PLCG2: variants seen among roughly 807,000 people sequenced by gnomAD.
The protein encoded by PLCG2 is 1-phosphatidylinositol 4,5-bisphosphate phosphodiesterase gamma-2.
A neutral mutation model predicts 175.6 loss-of-function variants in PLCG2; 69 were observed. That is an observed-to-expected ratio of 0.39 (90% CI 0.32 to 0.48). The LOEUF (loss-of-function observed/expected upper bound fraction) is 0.48. Ranked by LOEUF, PLCG2 falls within the 20% of genes least tolerant of loss-of-function variation. The probability of loss-of-function intolerance (pLI) is 0.91; values close to 1 mark genes in which losing one functional copy is unlikely to be tolerated. For synonymous variants in PLCG2, 827 were observed against 624.0 expected (o/e 1.33, Z -4.85); for missense variants, 1,798 against 1,650.9 (o/e 1.09, Z -1.54).
At chr16:81,854,696 G>T in intron 3 of PLCG2, 109 bp downstream of exon 3, 1 of 1,022,802 alleles carries the variant, frequency 9.8e-7, no homozygotes, top group Non-Finnish European at 1.5e-6. Context: ...ATGTGTATTT[G>T]GGGTCATGGT....
At chr16:81,853,066 C>T (rs1022711591) in intron 2 of PLCG2, among the ~76,000 whole-genome samples, 3 of 152,304 alleles carry the variant, frequency 2.0e-5, no homozygotes, top group African/African-American at 7.2e-5. Context: ...CCCGCTGGCT[C>T]ACGCCTGTAA....
intron 20 of PLCG2, 141 bp downstream of exon 20, chr16:81,919,805 A>G (rs1909987872): frequency 3.0e-6 from 2 of 665,444 alleles, no homozygotes; most frequent in East Asian, 2.7e-5. Context: ...ATTGAGCACA[A>G]CAAAGACCCT....
intron 2 of PLCG2, among the ~76,000 whole-genome samples, chr16:81,769,255 T>C (rs1440879510): frequency 2.0e-5 from 3 of 152,212 alleles, no homozygotes; most frequent in Non-Finnish European, 4.4e-5. Flanking sequence ...TCTTCCTGTA[T>C]CTGCCCAAAG....
intron 14 of PLCG2, among the ~76,000 whole-genome samples, 174 bp from the exon 15 acceptor site, chr16:81,905,229 C>T (rs1909315132): frequency 6.6e-6 from 1 of 152,236 alleles, no homozygotes; most frequent in African/African-American, 2.4e-5. Flanking sequence ...AAAGCTCCTC[C>T]TCCTCGTTCA....
intron 2 of PLCG2, among the ~76,000 whole-genome samples, chr16:81,847,078 C>G (rs1370859222): frequency 6.6e-6 from 1 of 152,204 alleles, no homozygotes; most frequent in African/African-American, 2.4e-5. Flanking sequence ...GTGGCCTATG[C>G]TTTTGACTGA....
chr16:81,940,459 G>A (rs4888194), intron 30 of PLCG2, among the ~76,000 whole-genome samples: 5 of 151,650 alleles, frequency 3.3e-5, no homozygotes, highest in Non-Finnish European at 5.9e-5. Flanking sequence ...TGGCATCTTG[G>A]GGGGGGAGTA....
intron 9 of PLCG2, among the ~76,000 whole-genome samples, chr16:81,887,691 C>T (rs1342086593): frequency 6.6e-6 from 1 of 152,182 alleles, no homozygotes; most frequent in African/African-American, 2.4e-5. Flanking sequence ...TAAGCACACA[C>T]ACATCTGGTC....
rs150639602 is a variant in PLCG2, at chr16:81,865,250, T to C, written c.480-3964T>C. ...TGGGCGAGGCACTCTCTGTAGGGGA[T>C]GGCAGGTTGCAGAGAGGGGTGAAGC... On this transcript the variant is annotated intron_variant, in intron 5 of 32. Transcript: ENST00000564138. Among the ~76,000 whole-genome samples the C allele has an allele frequency of 6.7e-3, 1,014 of 152,250 alleles. 1 individual carries two copies. The highest frequency in any genetic ancestry group is 9.6e-3 in the Non-Finnish European group (653 of 67,994).
At position 81,931,603 on chromosome 16, in the gene PLCG2, C is replaced by A. The variant is rs1405694465; in HGVS notation, c.2688C>A (p.Leu896=). The change falls in exon 25 of 33, where the codon CTC becomes CTA. Residue 896 remains leucine (L), a synonymous_variant. Coordinates refer to ENST00000564138, the MANE Select transcript of PLCG2 (RefSeq NM_002661.5). ...TTGCCACAGACAGGGTGGAGGAGCT[C>A]TTTGAGTGGTTTCAGAGCATCCGAG... ...VEFATDRVEE[L]FEWFQSIREI... is the part of the protein sequence containing the mutation. The A allele has an allele frequency of 2.5e-6, 4 of 1,613,896 alleles. No individual in the cohort carries two copies. In the African/African-American group the frequency reaches 5.3e-5, roughly 22 times the overall value.
At chr16:81,874,958 T>TG (rs1277615284) in intron 7 of PLCG2, among the ~76,000 whole-genome samples, 1 of 142,790 alleles carries the variant, frequency 7.0e-6, no homozygotes, top group Non-Finnish European at 1.5e-5. Flanking sequence ...GTTTTTTTTT[T>TG]TTTTTTTTTT....
intron 2 of PLCG2, among the ~76,000 whole-genome samples, chr16:81,822,770 A>AAAAAG (rs1300900512): frequency 4.0e-5 from 6 of 150,792 alleles, no homozygotes; most frequent in African/African-American, 1.5e-4. Context: ...TCAAAAAAAA[A>AAAAAG]AAAAAAAAAA....
In PLCG2 at chr16:81,938,927, AC is replaced by A; in HGVS notation, c.3313+14del. ...GACGACGGTTGTGAGTAAGTCAGTC[AC>A]CTTGGCCCCTCTGCTTTTAAACGTC... On this transcript the variant is annotated intron_variant, in intron 29 of 32. Coordinates refer to ENST00000564138, the MANE Select transcript of PLCG2 (RefSeq NM_002661.5). 6.7e-7 allele frequency: 1 copy of A among 1,502,170 alleles called. No individual in the cohort carries two copies. Among genetic ancestry groups the A allele is most frequent in the Admixed American group, 1.7e-5 (1 of 59,312 alleles). 93.1% of individuals were successfully genotyped at this position (1,502,170 alleles called of 1,614,324 possible).
In PLCG2 at chr16:81,911,511, C is replaced by T. The variant is rs576917072; in HGVS notation, c.1934+791C>T. On this transcript the variant is annotated intron_variant, in intron 18 of 32. Coordinates refer to ENST00000564138, the MANE Select transcript of PLCG2 (RefSeq NM_002661.5). ...GGAGTGCAGTGGAACAATCACGTCT[C>T]GCAGCAGCCTCGAGCTCCTGGGCTC... 2.0e-5 allele frequency among the ~76,000 whole-genome samples: 3 copies of T among 152,196 alleles called. No individual in the cohort carries two copies. In the South Asian group the frequency reaches 6.2e-4, roughly 32 times the overall value.
intron 1 of PLCG2, among the ~76,000 whole-genome samples, chr16:81,781,671 G>GT (rs1469993199): frequency 6.6e-6 from 1 of 152,148 alleles, no homozygotes; most frequent in East Asian, 1.9e-4. Context: ...GGTGTAAGGT[G>GT]CAGCAGTAAT....
chr16:81,801,587 T>G (rs1911721303), intron 2 of PLCG2, among the ~76,000 whole-genome samples: 1 of 152,248 alleles, frequency 6.6e-6, no homozygotes, highest in Admixed American at 6.5e-5. Flanking sequence ...CAAACACGTC[T>G]TCGCTATTGT....
In PLCG2 at chr16:81,854,547, A is replaced by T. The variant is rs1143686; in HGVS notation, c.297A>T (p.Leu99=). 5.6e-6 allele frequency: 9 copies of T among 1,613,632 alleles called. No homozygotes were observed. The Admixed American group carries it at 1.5e-4, about 27-fold the overall frequency. The change falls in exon 3 of 33, where the codon CTA becomes CTT. Residue 99 remains leucine, a synonymous_variant. Transcript: ENST00000564138. ...RQKEDCCFTI[L]YGTQFVLSTL... is the part of the protein sequence containing the mutation. ...AAGAAGACTGCTGCTTCACCATCCTATATGGCACTCAGTTCGTCCTCAGCA... is the reference window on the plus strand; with the variant it reads ...AAGAAGACTGCTGCTTCACCATCCTTTATGGCACTCAGTTCGTCCTCAGCA...
intron 2 of PLCG2, among the ~76,000 whole-genome samples, chr16:81,800,710 G>C (rs1911681404): frequency 6.6e-6 from 1 of 151,872 alleles, no homozygotes; most frequent in African/African-American, 2.4e-5. Flanking sequence ...AACCCTCTAT[G>C]ATAGGCAGAA....
chr16:81,866,610 G>C (rs1907250035), intron 5 of PLCG2, among the ~76,000 whole-genome samples: 3 of 99,586 alleles, frequency 3.0e-5, no homozygotes, highest in African/African-American at 9.0e-5. Context: ...TGGGGCACTA[G>C]CATGAGAGGA....
At chr16:81,741,257 G>A (rs1248775371) in intron 1 of PLCG2, among the ~76,000 whole-genome samples, 1 of 152,186 alleles carries the variant, frequency 6.6e-6, no homozygotes, top group African/African-American at 2.4e-5. Flanking sequence ...CTGGGGCTTT[G>A]AGGTTATTTT....
Sources: allele counts gnomAD v4.1 joint callset (sites outside exome capture counted in the v4.1 genomes callset), GRCh38; gene constraint gnomAD v4.1.1; transcripts MANE v1.5; gene names NCBI Gene and HGNC (gene_info 2026-07-23, HGNC 2026-07-21).